RNF220: variants seen among roughly 807,000 people sequenced by gnomAD.
RNF220 encodes ring finger protein 220, also known as E3 ubiquitin-protein ligase RNF220.
In RNF220, 7 loss-of-function variants were observed where a neutral mutation model predicts 67.1. The ratio of observed to expected loss-of-function variants is 0.10; its 90% CI spans 0.06 to 0.20. The LOEUF is 0.20. Ranked by LOEUF, RNF220 falls within the 10% of genes least tolerant of loss-of-function variation. The pLI is 1.00. For synonymous variants in RNF220, 270 were observed against 283.2 expected, an observed-to-expected ratio of 0.95 and a Z score of 0.47; for missense variants, 565 against 740.3, an observed-to-expected ratio of 0.76 and a Z score of 2.75.
chr1:44,650,496 C>T lies in RNF220; in HGVS notation c.1630-208C>T. The T allele has an allele frequency of 1.7e-6, 1 of 595,596 alleles. No individual in the cohort carries two copies. The highest frequency in any genetic ancestry group is 3.0e-6 in the Non-Finnish European group (1 of 331,922). 36.9% of individuals were successfully genotyped at this position (595,596 alleles called of 1,614,324 possible). The stretch of plus-strand genomic sequence containing the variant: ...CATTACTGGGGCTCCTGCTGCGGGG[C>T]TGGCCAGGCGGTTTGATCCTGGCGT... On this transcript the variant is annotated intron_variant, in intron 14 of 14. Transcript: ENST00000361799. This position sits in a 1 kb window ranked among gnomAD's most constrained non-coding sequence, Gnocchi z 4.3.
chr1:44,610,517 T>C (rs1176110631), intron 2 of RNF220, among the ~76,000 whole-genome samples: 1 of 152,148 alleles, frequency 6.6e-6, no homozygotes, highest in Non-Finnish European at 1.5e-5. Context: ...CGAGGCCTCC[T>C]GAGGAGGGAC....
At chr1:44,540,462 C>T (rs1661586419) in intron 2 of RNF220, among the ~76,000 whole-genome samples, 1 of 152,162 alleles carries the variant, frequency 6.6e-6, no homozygotes, top group Non-Finnish European at 1.5e-5. Flanking sequence ...TCACAAGAGA[C>T]TCATTAGAAA....
In RNF220 at chr1:44,649,016, G is replaced by GT. The variant is rs1644720930; in HGVS notation, c.1446-645_1446-644insT. On this transcript the variant is annotated intron_variant, in intron 12 of 14. Coordinates refer to ENST00000361799, the MANE Select transcript of RNF220 (RefSeq NM_018150.4). The surrounding 1 kb of genome is among the most constrained non-coding windows in gnomAD (Gnocchi z 5.9). ...GAGGCAGAGCTAGTGAGTCAGGCGAGGGGGTGCAGAGGGATCACAGTGCAG... is the reference window on the plus strand; with the variant it reads ...GAGGCAGAGCTAGTGAGTCAGGCGAGTGGGGTGCAGAGGGATCACAGTGCAG... 1.0e-5 allele frequency: 1 copy of GT among 95,772 alleles called. No individual in the cohort carries two copies. The highest frequency in any genetic ancestry group is 3.0e-5 in the Non-Finnish European group (1 of 33,752). The allele number at this position is 95,772 out of a possible 1,614,324, so 5.9% of individuals were successfully genotyped here.
intron 8 of RNF220, among the ~76,000 whole-genome samples, chr1:44,639,288 G>C (rs1366059974): frequency 6.6e-6 from 1 of 152,228 alleles, no homozygotes; most frequent in African/African-American, 2.4e-5. Flanking sequence ...CTGGAGAAGA[G>C]ACCTATAGTG....
intron 3 of RNF220, among the ~76,000 whole-genome samples, chr1:44,618,993 C>T (rs564076773): frequency 6.6e-5 from 10 of 151,556 alleles, no homozygotes; most frequent in Middle Eastern, 3.4e-3. Context: ...GCAAGCTCAG[C>T]CTAAGATGTC....
chr1:44,511,871 T>C (rs1051432560), intron 2 of RNF220, among the ~76,000 whole-genome samples: 1 of 151,288 alleles, frequency 6.6e-6, no homozygotes, highest in Admixed American at 6.6e-5. Context: ...GGGGAAAAAA[T>C]CTGTCATCTC....
chr1:44,625,541 G>A (rs1030656444), intron 4 of RNF220, among the ~76,000 whole-genome samples: 5 of 152,176 alleles, frequency 3.3e-5, no homozygotes, highest in African/African-American at 1.2e-4. Flanking sequence ...TGTGCTTCCG[G>A]CTCAGAGCTG....
At chr1:44,406,457 G>A (rs1647339790) in intron 1 of RNF220, among the ~76,000 whole-genome samples, 1 of 152,250 alleles carries the variant, frequency 6.6e-6, no homozygotes, top group South Asian at 2.1e-4. Context: ...CGATCGTGGA[G>A]ACGAGGGCTA....
intron 3 of RNF220, among the ~76,000 whole-genome samples, chr1:44,617,266 G>T (rs1012945869): frequency 3.3e-5 from 5 of 152,068 alleles, no homozygotes; most frequent in Non-Finnish European, 7.4e-5. Flanking sequence ...TCTCGGCCCC[G>T]CCGCGCCCGG....
At chr1:44,616,947 A>G (rs1643578852) in intron 3 of RNF220, among the ~76,000 whole-genome samples, 1 of 151,602 alleles carries the variant, frequency 6.6e-6, no homozygotes, top group Admixed American at 6.6e-5. Flanking sequence ...ACCCCCACCC[A>G]TGACTCTGCA....
chr1:44,586,698 C>T (rs1210689449), intron 2 of RNF220, among the ~76,000 whole-genome samples: 2 of 152,254 alleles, frequency 1.3e-5, no homozygotes, highest in African/African-American at 2.4e-5. Flanking sequence ...TTACACACAA[C>T]GTAGAAGACA....
intron 2 of RNF220, among the ~76,000 whole-genome samples, chr1:44,508,977 C>T (rs929613673): frequency 6.6e-6 from 1 of 152,156 alleles, no homozygotes; most frequent in Non-Finnish European, 1.5e-5. Context: ...GGCACAGCAG[C>T]ATCACTTAGG....
At chr1:44,627,819 G>T (rs1375627897) in intron 5 of RNF220, among the ~76,000 whole-genome samples, 1 of 152,234 alleles carries the variant, frequency 6.6e-6, no homozygotes, top group African/African-American at 2.4e-5. Flanking sequence ...CTGACCCTTT[G>T]TGGGAATTAA....
intron 5 of RNF220, among the ~76,000 whole-genome samples, chr1:44,627,953 G>C (rs1050185569): frequency 6.6e-6 from 1 of 152,238 alleles, no homozygotes; most frequent in African/African-American, 2.4e-5. Flanking sequence ...CTTTGCATGG[G>C]ACTCAAACTG....
Position 44,411,996 on chromosome 1 carries a change from G to T in RNF220, c.-102G>T, listed in dbSNP as rs1648014678. ...GTTTCTACAGGTCTTAGGAGGGAAT[G>T]ATTCCCCAGTAATATTCCCTGCCCT... On this transcript the variant is annotated 5_prime_UTR_variant, in exon 2 of 15. An upstream start codon of the reference 5' UTR is lost. Coordinates refer to ENST00000361799, the MANE Select transcript of RNF220 (RefSeq NM_018150.4). 1 of 1,302,890 alleles carries T rather than the reference G, an allele frequency of 7.7e-7. No homozygotes were observed. The allele number at this position is 1,302,890 out of a possible 1,614,324, so 80.7% of individuals were successfully genotyped here. A position where few individuals can be genotyped will look rare whatever the true frequency, so the allele number is the denominator to read the frequency against.
chr1:44,556,918 G>GT (rs1663139752), intron 2 of RNF220, among the ~76,000 whole-genome samples: 1 of 151,718 alleles, frequency 6.6e-6, no homozygotes, highest in Non-Finnish European at 1.5e-5. Flanking sequence ...GACAGGGAGG[G>GT]GAACCCATGG....
rs531242220 is a variant in RNF220, at chr1:44,512,817, C to T, written c.625+100095C>T. ...ACTACGGTGGAAGAAGAGCGGCTGT[C>T]TCAGGTGGCACAGGGGCCTCACCCT... On this transcript the variant is annotated intron_variant, in intron 2 of 14. Transcript: ENST00000361799. 4.0e-3 allele frequency among the ~76,000 whole-genome samples: 615 copies of T among 152,244 alleles called. 18 individuals are homozygous for T. Among genetic ancestry groups the T allele is most frequent in the Admixed American group, 0.038 (585 of 15,290 alleles).
intron 7 of RNF220, 77 bp from the exon 8 acceptor site, chr1:44,635,953 C>G (rs1345212167): frequency 1.9e-6 from 3 of 1,605,252 alleles, no homozygotes; most frequent in Non-Finnish European, 2.6e-6. Flanking sequence ...GGGGCTAGAG[C>G]TGTGCCTTCG....
intron 2 of RNF220, among the ~76,000 whole-genome samples, chr1:44,508,078 T>C (rs1416795335): frequency 7.2e-6 from 1 of 138,614 alleles, no homozygotes; most frequent in Non-Finnish European, 1.6e-5. Flanking sequence ...TGTTTGGGGG[T>C]GGGCGTGTGG....
Sources: allele counts gnomAD v4.1 joint callset (sites outside exome capture counted in the v4.1 genomes callset), GRCh38; gene constraint gnomAD v4.1.1; non-coding constraint Gnocchi (gnomAD v3.1); transcripts MANE v1.5; gene names NCBI Gene and HGNC (gene_info 2026-07-23, HGNC 2026-07-21).